Variants in TSPAN15 observed in about 807,000 individuals in gnomAD.
TSPAN15 encodes tetraspanin 15, also known as tetraspanin-15.
In TSPAN15, 20 loss-of-function variants were observed where a neutral mutation model predicts 34.5. That is an observed-to-expected ratio of 0.58 (90% CI 0.41 to 0.84). The LOEUF (loss-of-function observed/expected upper bound fraction) is 0.84, where lower values mean the gene tolerates loss of function less well. TSPAN15 is among the 40% of genes least tolerant of loss of function. The pLI is 0.00. For missense variants in TSPAN15, 313 were observed against 386.1 expected, an observed-to-expected ratio of 0.81 and a Z score of 1.59; for synonymous variants, 155 against 153.9, an observed-to-expected ratio of 1.01 and a Z score of -0.05.
chr10:69,535,787 A>C, the TSPAN15 span, among the ~76,000 whole-genome samples: 3 of 152,370 alleles, frequency 2.0e-5, no homozygotes, highest in African/African-American at 7.2e-5. Context: ...CTGTAGAGTG[A>C]TGTGAACCCA....
chr10:69,455,623 T>TCCC (rs1474867723), intron 1 of TSPAN15, among the ~76,000 whole-genome samples: 1 of 87,976 alleles, frequency 1.1e-5, no homozygotes, highest in African/African-American at 4.9e-5. Context: ...TCTCTCTCTC[T>TCCC]CTCCCCCCCC....
intron 3 of TSPAN15, among the ~76,000 whole-genome samples, chr10:69,493,948 G>A (rs1842023291): frequency 6.6e-6 from 1 of 152,236 alleles, no homozygotes; most frequent in Non-Finnish European, 1.5e-5. Flanking sequence ...TTTGAGCAGA[G>A]CGAGGCTCGG....
chr10:69,507,489 G>C lies in TSPAN15; in HGVS notation c.*511G>C. 7.7e-7 allele frequency: 1 copy of C among 1,304,476 alleles called. No homozygotes were observed. The highest frequency in any genetic ancestry group is 1.0e-6 in the Non-Finnish European group (1 of 989,362). The allele number at this position is 1,304,476 out of a possible 1,614,324, so 80.8% of individuals were successfully genotyped here. On this transcript the variant is annotated 3_prime_UTR_variant, in exon 8 of 8. Transcript: ENST00000373290. ...CCAGGTGCCTTGAGCCCTCTTGCAAGGGCGGCTGCTTCCTTGAGCCTAGTT... is the reference window on the plus strand; with the variant it reads ...CCAGGTGCCTTGAGCCCTCTTGCAACGGCGGCTGCTTCCTTGAGCCTAGTT...
At chr10:69,470,750 T>C (rs1841487594) in intron 1 of TSPAN15, among the ~76,000 whole-genome samples, 1 of 152,144 alleles carries the variant, frequency 6.6e-6, no homozygotes, top group South Asian at 2.1e-4. Flanking sequence ...AGATCACAGT[T>C]GGAACAGAGC....
At chr10:69,495,764 A>G (rs1842067586) in intron 4 of TSPAN15, 75 bp downstream of exon 4, 9 of 1,060,114 alleles carry the variant, frequency 8.5e-6, no homozygotes, top group African/African-American at 1.6e-5. Flanking sequence ...GCTCAAGAAG[A>G]TGGGGTGAGG....
intron 2 of TSPAN15, among the ~76,000 whole-genome samples, chr10:69,484,858 C>T (rs2305200): frequency 0.04 from 6,048 of 152,192 alleles, 380 homozygotes; most frequent in African/African-American, 0.13. Flanking sequence ...GGGGGAAGGG[C>T]GTGCTCTTCC....
chr10:69,534,249 A>G, the TSPAN15 span, among the ~76,000 whole-genome samples: 3 of 152,234 alleles, frequency 2.0e-5, no homozygotes, highest in Admixed American at 2.0e-4. Flanking sequence ...AAGCAGAGAC[A>G]AACTGTTACC....
At chr10:69,513,169 C>T in the TSPAN15 span, among the ~76,000 whole-genome samples, 5 of 152,206 alleles carry the variant, frequency 3.3e-5, no homozygotes, top group Admixed American at 3.3e-4. Flanking sequence ...ATTTGCATTT[C>T]CTTAATAATC....
the TSPAN15 span, among the ~76,000 whole-genome samples, chr10:69,544,985 C>A: frequency 6.6e-6 from 1 of 152,196 alleles, no homozygotes; most frequent in African/African-American, 2.4e-5. Context: ...CGACTGAACT[C>A]CCTAGCTCCG....
the TSPAN15 span, among the ~76,000 whole-genome samples, chr10:69,543,602 A>C: frequency 6.6e-6 from 1 of 152,150 alleles, no homozygotes; most frequent in Non-Finnish European, 1.5e-5. Flanking sequence ...GTCAGAGAAG[A>C]CAGACCAAGC....
At chr10:69,455,586 C>CTT (rs1564595542) in intron 1 of TSPAN15, among the ~76,000 whole-genome samples, 14 of 115,040 alleles carry the variant, frequency 1.2e-4, no homozygotes, top group Non-Finnish European at 2.3e-4. Context: ...TTCTTTCTTT[C>CTT]TTTCTCTTTC....
At chr10:69,505,581 T>C (rs1400554526) in intron 6 of TSPAN15, among the ~76,000 whole-genome samples, 1 of 151,732 alleles carries the variant, frequency 6.6e-6, no homozygotes, top group African/African-American at 2.4e-5. Flanking sequence ...TTTTTTTTTT[T>C]TCCCTTAAGA....
chr10:69,519,530 C>T, the TSPAN15 span, among the ~76,000 whole-genome samples: 8 of 152,198 alleles, frequency 5.3e-5, no homozygotes, highest in Admixed American at 3.3e-4. Context: ...AAAGGAAATG[C>T]GCCTGTGGAT....
chr10:69,465,778 T>C (rs10998797), intron 1 of TSPAN15, among the ~76,000 whole-genome samples: 60,638 of 152,026 alleles, frequency 0.4, 12,601 homozygotes, highest in Non-Finnish European at 0.45. Flanking sequence ...TTTCTTAGAG[T>C]GATGGACTTT....
intron 6 of TSPAN15, among the ~76,000 whole-genome samples, chr10:69,505,502 A>G (rs1188682464): frequency 6.6e-6 from 1 of 152,146 alleles, no homozygotes; most frequent in Non-Finnish European, 1.5e-5. Flanking sequence ...ATGTGTAATC[A>G]TTCCTTAATT....
the TSPAN15 span, among the ~76,000 whole-genome samples, chr10:69,538,995 T>C: frequency 2.3e-3 from 348 of 152,142 alleles, 1 homozygote; most frequent in African/African-American, 7.7e-3. Context: ...CAGCCTTCAA[T>C]ATTGAAGGGA....
intron 5 of TSPAN15, among the ~76,000 whole-genome samples, chr10:69,503,114 A>G (rs1433243534): frequency 6.6e-6 from 1 of 152,160 alleles, no homozygotes; most frequent in Non-Finnish European, 1.5e-5. Flanking sequence ...GGTTGTGTTT[A>G]TGGCCTGGAA....
chr10:69,482,240 G>A (rs1841749307), intron 1 of TSPAN15, among the ~76,000 whole-genome samples: 1 of 152,228 alleles, frequency 6.6e-6, no homozygotes, highest in Non-Finnish European at 1.5e-5. Flanking sequence ...GAGCAAAGAA[G>A]AGAAGGAGAT....
At chr10:69,540,285 C>T in the TSPAN15 span, among the ~76,000 whole-genome samples, 1 of 152,194 alleles carries the variant, frequency 6.6e-6, no homozygotes, top group Non-Finnish European at 1.5e-5. Flanking sequence ...GTCCCAGCTA[C>T]TCAGGAGGCT....
Sources: allele counts gnomAD v4.1 joint callset (sites outside exome capture counted in the v4.1 genomes callset), GRCh38; gene constraint gnomAD v4.1.1; transcripts MANE v1.5; gene names NCBI Gene and HGNC (gene_info 2026-07-23, HGNC 2026-07-21).